IL21R: variants seen among roughly 807,000 people sequenced by gnomAD.
IL21R encodes the protein interleukin 21 receptor.
IL21R carries 14 observed loss-of-function variants against 41.3 expected under a neutral mutation model. The observed-to-expected ratio is 0.34, with a 90% CI of 0.22 to 0.53. The LOEUF is 0.53. IL21R is among the 20% of genes least tolerant of loss of function. The pLI, the probability that IL21R is intolerant of heterozygous loss-of-function variation, is 0.94. For synonymous variants in IL21R, 286 were observed against 287.6 expected, an observed-to-expected ratio of 0.99 and a Z score of 0.05; for missense variants, 588 against 681.6, an observed-to-expected ratio of 0.86 and a Z score of 1.53.
At chr16:27,428,689 G>A (rs1045606846) in intron 1 of IL21R, among the ~76,000 whole-genome samples, 15 of 152,150 alleles carry the variant, frequency 9.9e-5, no homozygotes, top group Admixed American at 1.3e-4. Flanking sequence ...ACAGTAGAGG[G>A]CACTCTTTCT....
At chr16:27,414,049 A>T (rs2086858648) in intron 1 of IL21R, among the ~76,000 whole-genome samples, 1 of 151,968 alleles carries the variant, frequency 6.6e-6, no homozygotes, top group African/African-American at 2.4e-5. Flanking sequence ...AAAGTTTCTT[A>T]TCATTGCCTT....
chr16:27,403,315 T>G, intron 1 of IL21R: 3 of 1,202,252 alleles, frequency 2.5e-6, no homozygotes, highest in East Asian at 4.4e-5. Flanking sequence ...AGGAAGAACA[T>G]TCCTGGTGGA....
intron 8 of IL21R, 104 bp from the exon 9 acceptor site, chr16:27,448,430 G>C: frequency 5.7e-6 from 7 of 1,235,498 alleles, no homozygotes; most frequent in Non-Finnish European, 6.6e-6. Context: ...ATTCCAGCCT[G>C]GGCAGCAGAG....
chr16:27,418,753 C>T (rs774778784), intron 1 of IL21R, among the ~76,000 whole-genome samples: 2 of 152,138 alleles, frequency 1.3e-5, no homozygotes, highest in Admixed American at 6.5e-5. Flanking sequence ...ATTGTAATAA[C>T]ACTTAAGTGT....
intron 1 of IL21R, among the ~76,000 whole-genome samples, chr16:27,404,940 G>A (rs937681795): frequency 6.6e-6 from 1 of 152,104 alleles, no homozygotes; most frequent in Non-Finnish European, 1.5e-5. Flanking sequence ...GAAGCTCTGG[G>A]GTACACAGAG....
In IL21R at chr16:27,433,338, C is replaced by T. The variant is rs140683309; in HGVS notation, c.50-1009C>T. ...AAAATTATCCAGGCATGGTGGTGCA[C>T]AACTGTAGTCTCAGCTACTCAGGAA... On this transcript the variant is annotated intron_variant, in intron 2 of 8. Coordinates refer to ENST00000337929, the MANE Select transcript of IL21R (RefSeq NM_181078.3). 2.3e-3 allele frequency among the ~76,000 whole-genome samples: 348 copies of T among 152,194 alleles called. 1 individual carries two copies. The highest frequency in any genetic ancestry group is 4.6e-3 in the Non-Finnish European group (316 of 68,012).
Position 27,434,316 on chromosome 16 carries a change from A to G in IL21R, c.50-31A>G, listed in dbSNP as rs1307225367. On this transcript the variant is annotated intron_variant, in intron 2 of 8. Coordinates refer to ENST00000337929, the MANE Select transcript of IL21R (RefSeq NM_181078.3). The stretch of plus-strand genomic sequence containing the variant: ...GCTCTGCAGTCCCAAGCCACCCCCC[A>G]CCAAGGCCTCTCTCCCCACTGACCC... 4.2e-6 allele frequency: 6 copies of G among 1,438,696 alleles called. No homozygotes were observed. In the Admixed American group the frequency reaches 1.0e-4, roughly 24 times the overall value. 89.1% of individuals were successfully genotyped at this position (1,438,696 alleles called of 1,614,324 possible). A position where few individuals can be genotyped will look rare whatever the true frequency, so the allele number is the denominator to read the frequency against.
rs977075721 is a variant in IL21R at position 27,451,562 on chromosome 16, T to A, written c.*2279T>A. On this transcript the variant is annotated 3_prime_UTR_variant, in exon 9 of 9. Transcript: ENST00000337929. Reference sequence around the variant, plus strand: ...CATCTCTACAAAAATTATTATTTTTTAAAAAAATTAGCCAGGTGTGGTGGT... The same window carrying A: ...CATCTCTACAAAAATTATTATTTTTAAAAAAAATTAGCCAGGTGTGGTGGT... 1.0e-4 allele frequency: 21 copies of A among 207,516 alleles called. No individual in the cohort carries two copies. The highest frequency in any genetic ancestry group is 4.4e-4 in the East Asian group (6 of 13,772). The allele number at this position is 207,516 out of a possible 1,614,324, so 12.9% of individuals were successfully genotyped here. A position where few individuals can be genotyped will look rare whatever the true frequency, so the allele number is the denominator to read the frequency against.
At chr16:27,437,749 C>A (rs759152894) in intron 4 of IL21R, 62 bp downstream of exon 4, 1 of 1,344,812 alleles carries the variant, frequency 7.4e-7, no homozygotes, top group Non-Finnish European at 1.1e-6. Context: ...GCAGCCCTGA[C>A]CTCTCTGGGC....
At chr16:27,418,541 T>C (rs1006868792) in intron 1 of IL21R, among the ~76,000 whole-genome samples, 1 of 151,876 alleles carries the variant, frequency 6.6e-6, no homozygotes, top group African/African-American at 2.4e-5. Flanking sequence ...GCTAATTTTT[T>C]TGGTATTTTT....
intron 1 of IL21R, among the ~76,000 whole-genome samples, chr16:27,403,511 C>G (rs1467301608): frequency 2.0e-5 from 3 of 152,144 alleles, no homozygotes; most frequent in Non-Finnish European, 4.4e-5. Flanking sequence ...CCTGCCAGGT[C>G]AAAACCCGGC....
intron 1 of IL21R, chr16:27,403,174 A>G (rs1198684057): frequency 7.5e-7 from 1 of 1,324,574 alleles, no homozygotes; most frequent in Admixed American, 2.2e-5. Flanking sequence ...TGACCCCATG[A>G]GCTGTCGCTG....
rs116303361 is a variant in IL21R, at chr16:27,412,531, G to C, written c.-17+9913G>C. On this transcript the variant is annotated intron_variant, in intron 1 of 8. Transcript: ENST00000337929. ...TTCTTTTTTTATTTCTGCAAAAACT[G>C]TCATTGAGATTTTGATAGGGTTTAT... Among the ~76,000 whole-genome samples, 1,397 of 151,682 alleles carry C rather than the reference G, an allele frequency of 9.2e-3. 13 individuals carry two copies. Among genetic ancestry groups the C allele is most frequent in the African/African-American group, 0.031 (1,302 of 41,346 alleles).
In IL21R at chr16:27,429,817, T is replaced by G. The variant is rs114333897; in HGVS notation, c.-16-239T>G. ...ATAATAAAACAAATTCACTTTGCAT[T>G]TGTGACGTGATGGGGCGGGGGCAGG... On this transcript the variant is annotated intron_variant, in intron 1 of 8. Coordinates refer to ENST00000337929, the MANE Select transcript of IL21R (RefSeq NM_181078.3). Among the ~76,000 whole-genome samples, 689 of 152,224 alleles carry G rather than the reference T, an allele frequency of 4.5e-3. 3 individuals are homozygous for G. The highest frequency in any genetic ancestry group is 0.024 in the Middle Eastern group (7 of 294).
intron 4 of IL21R, among the ~76,000 whole-genome samples, chr16:27,439,374 A>C (rs1272828103): frequency 6.6e-6 from 1 of 151,618 alleles, no homozygotes; most frequent in African/African-American, 2.4e-5. Flanking sequence ...ACACACACAC[A>C]CACACACACG....
intron 4 of IL21R, among the ~76,000 whole-genome samples, chr16:27,440,613 G>C (rs1472157172): frequency 2.0e-5 from 3 of 152,150 alleles, no homozygotes; most frequent in Non-Finnish European, 1.5e-5. Flanking sequence ...TGTGCCCCAG[G>C]CTGTGTTCTA....
At chr16:27,411,564 G>A (rs1476722743) in intron 1 of IL21R, among the ~76,000 whole-genome samples, 2 of 143,730 alleles carry the variant, frequency 1.4e-5, no homozygotes, top group African/African-American at 2.6e-5. Context: ...CCAGGTTCAA[G>A]CAATTCTCCT....
In IL21R at chr16:27,445,993, C is replaced by G. The variant is rs202012016; in HGVS notation, c.786-14C>G. ...TGGTGATGTCAGGGTCCTCACCCCT[C>G]TCTGCCCCCTCAGGCTATGGAAGAA... On this transcript the variant is annotated splice_polypyrimidine_tract_variant and intron_variant, in intron 7 of 8. Coordinates refer to ENST00000337929, the MANE Select transcript of IL21R (RefSeq NM_181078.3). 89 of 1,607,878 alleles carry G rather than the reference C, an allele frequency of 5.5e-5. No homozygotes were observed. In the African/African-American group the frequency reaches 1.0e-3, roughly 18 times the overall value.
intron 4 of IL21R, among the ~76,000 whole-genome samples, chr16:27,438,447 G>A (rs998561472): frequency 6.6e-6 from 1 of 152,290 alleles, no homozygotes; most frequent in Admixed American, 6.5e-5. Flanking sequence ...GCAGGTGGCA[G>A]GGCGAGGTGG....
Sources: gnomAD v4.1 joint callset for allele counts (sites outside exome capture counted in the v4.1 genomes callset) on GRCh38, gnomAD v4.1.1 for gene constraint, MANE v1.5 for transcripts, NCBI Gene and HGNC (gene_info 2026-07-23, HGNC 2026-07-21) for gene names.